PLXNA2: variants seen among roughly 807,000 people sequenced by gnomAD.
The protein encoded by PLXNA2 is plexin A2, also known as plexin-A2.
PLXNA2 carries 91 observed loss-of-function variants against 193.5 expected under a neutral mutation model. That is an observed-to-expected ratio of 0.47 (90% CI 0.40 to 0.56). PLXNA2 has a LOEUF of 0.56. Among genes scored for constraint, PLXNA2 ranks in the 20% least tolerant of loss-of-function variants. The pLI is 0.00. For synonymous variants in PLXNA2, 997 were observed against 1,027.3 expected (o/e 0.97, Z 0.56); for missense variants, 1,995 against 2,503.2 (o/e 0.80, Z 4.33).
intron 2 of PLXNA2, among the ~76,000 whole-genome samples, chr1:208,212,655 T>C (rs971717879): frequency 4.6e-5 from 7 of 152,152 alleles, no homozygotes; most frequent in African/African-American, 1.7e-4. Flanking sequence ...ACCAGAGCAC[T>C]CCTCTCCCTC....
At position 208,195,657 on chromosome 1, in the gene PLXNA2, G is replaced by T. The variant is rs560373165; in HGVS notation, c.1371+14623C>A. ...ATAGTCATAAAATGTTTTTTGGGGG[G>T]GGGGGTTAGGGGTGGGCAACATGCA... On this transcript the variant is annotated intron_variant, in intron 3 of 31. Coordinates refer to ENST00000367033, the MANE Select transcript of PLXNA2 (RefSeq NM_025179.4). Among the ~76,000 whole-genome samples the T allele has an allele frequency of 1.4e-4, 22 of 151,950 alleles. No homozygotes were observed. The East Asian group carries it at 3.9e-3, about 27-fold the overall frequency.
intron 3 of PLXNA2, among the ~76,000 whole-genome samples, chr1:208,146,299 G>A (rs1668598080): frequency 6.6e-6 from 1 of 152,220 alleles, no homozygotes. Context: ...CTGAGCCTTA[G>A]TGTTCCTCTC....
At chr1:208,224,060 C>G (rs531282099) in intron 1 of PLXNA2, among the ~76,000 whole-genome samples, 114 of 152,270 alleles carry the variant, frequency 7.5e-4, no homozygotes, top group Non-Finnish European at 1.5e-3. Context: ...TGCAGCTGTA[C>G]GTGCAAGCAT....
At chr1:208,220,363 G>C (rs2102618833) in intron 1 of PLXNA2, among the ~76,000 whole-genome samples, 1 of 152,236 alleles carries the variant, frequency 6.6e-6, no homozygotes, top group East Asian at 1.9e-4. Flanking sequence ...CAGTAAATGA[G>C]ACAATATAGA....
chr1:208,049,695 C>G (rs1270245369), intron 17 of PLXNA2, among the ~76,000 whole-genome samples: 1 of 152,178 alleles, frequency 6.6e-6, no homozygotes, highest in Admixed American at 6.5e-5. Context: ...CCTTTCTGGA[C>G]TTAGTTTCCT....
intron 3 of PLXNA2, among the ~76,000 whole-genome samples, chr1:208,156,741 G>A (rs1374377018): frequency 1.3e-5 from 2 of 152,178 alleles, no homozygotes; most frequent in African/African-American, 2.4e-5. Context: ...CCCAGATGTA[G>A]AAGTTGAATC....
At position 208,027,103 on chromosome 1, in the gene PLXNA2, G is replaced by A; in HGVS notation, c.*140C>T. The A allele has an allele frequency of 1.3e-6, 1 of 760,422 alleles. No homozygotes were observed. Among genetic ancestry groups the A allele is most frequent in the East Asian group, 2.6e-5 (1 of 38,112 alleles). The allele number at this position is 760,422 out of a possible 1,614,324, so 47.1% of individuals were successfully genotyped here. A position where few individuals can be genotyped will look rare whatever the true frequency, so the allele number is the denominator to read the frequency against. On this transcript the variant is annotated 3_prime_UTR_variant, in exon 32 of 32. Coordinates refer to ENST00000367033, the MANE Select transcript of PLXNA2 (RefSeq NM_025179.4). ...AAACTTGGCTGGCGTAGGGAGAGGAGTCCTCCCCTCTCCCCAGGATGGGGT... is the reference window on the plus strand; with the variant it reads ...AAACTTGGCTGGCGTAGGGAGAGGAATCCTCCCCTCTCCCCAGGATGGGGT...
chr1:208,081,316 C>T (rs1038588042), intron 11 of PLXNA2, among the ~76,000 whole-genome samples: 5 of 152,348 alleles, frequency 3.3e-5, no homozygotes, highest in African/African-American at 1.2e-4. Context: ...AGCTACAGCC[C>T]TAAAGATGCT....
chr1:208,181,763 G>A (rs771114801), intron 3 of PLXNA2, among the ~76,000 whole-genome samples: 2 of 152,196 alleles, frequency 1.3e-5, no homozygotes, highest in African/African-American at 4.8e-5. Flanking sequence ...GTAGGGATGA[G>A]GTCCAGGGAT....
intron 4 of PLXNA2, 150 bp from the exon 5 acceptor site, chr1:208,103,397 A>G (rs1049862835): frequency 4.9e-6 from 3 of 609,266 alleles, no homozygotes; most frequent in African/African-American, 3.7e-5. Context: ...AATGTCCCCA[A>G]TCTCTTTACC....
At chr1:208,134,649 G>C (rs186432852) in intron 4 of PLXNA2, among the ~76,000 whole-genome samples, 233 of 152,200 alleles carry the variant, frequency 1.5e-3, no homozygotes, top group Non-Finnish European at 2.9e-3. Context: ...CCTCCCCAGA[G>C]GCTCAGCCAA....
At chr1:208,077,569 T>G (rs147651125) in intron 12 of PLXNA2, among the ~76,000 whole-genome samples, 2 of 152,192 alleles carry the variant, frequency 1.3e-5, no homozygotes, top group Non-Finnish European at 2.9e-5. Flanking sequence ...TGCCCACAGA[T>G]GTAGAGACTG....
Position 208,047,390 on chromosome 1 carries a change from C to T in PLXNA2, c.3256-1273G>A, listed in dbSNP as rs147184701. On this transcript the variant is annotated intron_variant, in intron 17 of 31. Coordinates refer to ENST00000367033, the MANE Select transcript of PLXNA2 (RefSeq NM_025179.4). Reference sequence around the variant, plus strand: ...TTTTTTCTCTTGGAGGTCTCTGGTGCCAACTAAAATCCTGGCTGGGCTGGT... The same window carrying T: ...TTTTTTCTCTTGGAGGTCTCTGGTGTCAACTAAAATCCTGGCTGGGCTGGT... Among the ~76,000 whole-genome samples the T allele has an allele frequency of 9.5e-4, 87 of 91,794 alleles. 1 individual carries two copies. In the East Asian group the frequency reaches 0.043, roughly 45 times the overall value. The allele number at this position is 91,794 out of a possible 152,430, so 60.2% of individuals were successfully genotyped here.
intron 2 of PLXNA2, among the ~76,000 whole-genome samples, chr1:208,213,482 T>C (rs562166617): frequency 1.3e-5 from 2 of 152,312 alleles, no homozygotes; most frequent in South Asian, 2.1e-4. Context: ...GGAAGATAAC[T>C]CTTGCTTTAT....
intron 3 of PLXNA2, among the ~76,000 whole-genome samples, chr1:208,175,882 C>CTTTT (rs1184781497): frequency 6.6e-6 from 1 of 152,148 alleles, no homozygotes; most frequent in Admixed American, 6.5e-5. Context: ...CCTAGGGACT[C>CTTTT]ACTAGGATGG....
At chr1:208,048,791 A>T (rs944030670) in intron 17 of PLXNA2, among the ~76,000 whole-genome samples, 1 of 152,112 alleles carries the variant, frequency 6.6e-6, no homozygotes, top group Non-Finnish European at 1.5e-5. Flanking sequence ...GGACTGTATT[A>T]ATTACGTCTT....
intron 3 of PLXNA2, among the ~76,000 whole-genome samples, chr1:208,151,499 C>T (rs1392068898): frequency 6.6e-6 from 1 of 152,184 alleles, no homozygotes; most frequent in African/African-American, 2.4e-5. Context: ...GGCATATCGA[C>T]AGGTTAACTA....
In PLXNA2 at chr1:208,211,875, A is replaced by G. The variant is rs953371987; in HGVS notation, c.1189-1413T>C. 5.9e-5 allele frequency among the ~76,000 whole-genome samples: 9 copies of G among 152,294 alleles called. No individual in the cohort carries two copies. The East Asian group carries it at 1.7e-3, about 29-fold the overall frequency. ...AAGATCTTAGGTCTCTCATCTAAAAAAGAATGAAAGACAAAGACCATAATG... is the reference window on the plus strand; with the variant it reads ...AAGATCTTAGGTCTCTCATCTAAAAGAGAATGAAAGACAAAGACCATAATG... On this transcript the variant is annotated intron_variant, in intron 2 of 31. Transcript: ENST00000367033.
chr1:208,142,466 G>A lies in PLXNA2; in HGVS notation c.1372-3C>T, dbSNP rs749976116. The A allele has an allele frequency of 2.5e-6, 4 of 1,602,030 alleles. No individual in the cohort carries two copies. Among genetic ancestry groups the A allele is most frequent in the Admixed American group, 1.7e-5 (1 of 58,190 alleles). On this transcript the variant is annotated splice_region_variant and splice_polypyrimidine_tract_variant and intron_variant, in intron 3 of 31. Transcript: ENST00000367033. ...TGGGGGGGACCGTCGGCCCGAATCT[G>A]TATGAGAAACAAGGGTGTCCTCAGC... is the stretch of plus-strand genomic sequence containing the variant.
Sources: allele counts gnomAD v4.1 joint callset (sites outside exome capture counted in the v4.1 genomes callset), GRCh38; gene constraint gnomAD v4.1.1; transcripts MANE v1.5; gene names NCBI Gene and HGNC (gene_info 2026-07-23, HGNC 2026-07-21).